Variants in DBNDD1 observed in about 807,000 individuals in gnomAD.
The protein encoded by DBNDD1 is dysbindin domain-containing protein 1.
Under a neutral mutation model 17.0 loss-of-function variants are expected in DBNDD1, and 14 were observed. The ratio of observed to expected loss-of-function variants is 0.82; its 90% CI spans 0.54 to 1.29. The LOEUF is 1.29. DBNDD1 is among the 50% of genes most tolerant of loss of function. DBNDD1 has a pLI of 0.00. For missense variants in DBNDD1, 221 were observed against 216.2 expected (o/e 1.02, Z -0.14); for synonymous variants, 105 against 102.0 (o/e 1.03, Z -0.18).
chr16:90,012,806 A>C (rs1329499489), intron 1 of DBNDD1, among the ~76,000 whole-genome samples: 2 of 152,100 alleles, frequency 1.3e-5, no homozygotes, highest in Non-Finnish European at 2.9e-5. Flanking sequence ...GCTGGAGTGC[A>C]GTGGTAAAAC....
At chr16:90,013,326 G>C (rs908367347) in intron 1 of DBNDD1, among the ~76,000 whole-genome samples, 22 of 143,164 alleles carry the variant, frequency 1.5e-4, no homozygotes, top group African/African-American at 5.7e-4. Context: ...AGCATTCTGT[G>C]TTTATTGACT....
intron 1 of DBNDD1, among the ~76,000 whole-genome samples, chr16:90,017,065 G>T (rs1338702810): frequency 6.6e-6 from 1 of 152,218 alleles, no homozygotes. Flanking sequence ...TTACAGCCCT[G>T]GCTTCCAGGT....
chr16:90,014,851 C>T (rs764566379), intron 1 of DBNDD1, among the ~76,000 whole-genome samples: 1 of 151,994 alleles, frequency 6.6e-6, no homozygotes. Flanking sequence ...ACTAAAAATA[C>T]AAAAATTAGC....
chr16:90,015,809 C>T (rs2035631693), intron 1 of DBNDD1, among the ~76,000 whole-genome samples: 1 of 150,910 alleles, frequency 6.6e-6, no homozygotes, highest in Admixed American at 6.6e-5. Flanking sequence ...TAGGCAAGCG[C>T]GTAGACATTC....
At position 90,014,334 on chromosome 16, in the gene DBNDD1, C is replaced by T. The variant is rs577917572; in HGVS notation, c.32-4904G>A. Reference sequence around the variant, plus strand: ...TAGAGATGGGGTTTCTCCCTGTTGGCCAGGCTGGTCTTGAACTCCTGACCT... The same window carrying T: ...TAGAGATGGGGTTTCTCCCTGTTGGTCAGGCTGGTCTTGAACTCCTGACCT... On this transcript the variant is annotated intron_variant, in intron 1 of 3. Coordinates refer to ENST00000002501, the MANE Select transcript of DBNDD1 (RefSeq NM_001042610.3). 9.9e-5 allele frequency among the ~76,000 whole-genome samples: 15 copies of T among 152,110 alleles called. No homozygotes were observed. In the South Asian group the frequency reaches 1.0e-3, roughly 11 times the overall value.
intron 1 of DBNDD1, among the ~76,000 whole-genome samples, chr16:90,013,981 G>A (rs1045022497): frequency 6.6e-6 from 1 of 152,068 alleles, no homozygotes; most frequent in Non-Finnish European, 1.5e-5. Context: ...AGGACAGCTG[G>A]GGGCTGTGAG....
At chr16:90,009,835 G>T in intron 1 of DBNDD1, 2 of 948,706 alleles carry the variant, frequency 2.1e-6, no homozygotes, top group South Asian at 1.7e-5. Flanking sequence ...TCCATGTCCA[G>T]CCTCTTGGTC....
chr16:90,016,983 G>A (rs1054597395), intron 1 of DBNDD1, among the ~76,000 whole-genome samples: 2 of 152,176 alleles, frequency 1.3e-5, no homozygotes, highest in African/African-American at 4.8e-5. Flanking sequence ...TGGAGTGGCC[G>A]TGTCTAGACT....
chr16:90,011,775 T>C, intron 1 of DBNDD1: 1 of 417,300 alleles, frequency 2.4e-6, no homozygotes, highest in Non-Finnish European at 4.9e-6. Context: ...CAGGGATACC[T>C]CTCCGCCCAG....
chr16:90,011,869 G>A (rs557630855), intron 1 of DBNDD1, among the ~76,000 whole-genome samples: 35 of 152,302 alleles, frequency 2.3e-4, no homozygotes, highest in African/African-American at 7.9e-4. Context: ...GCAGGAAGAA[G>A]CCTGCTTGAC....
At chr16:90,009,845 C>G in intron 1 of DBNDD1, 1 of 1,023,052 alleles carries the variant, frequency 9.8e-7, no homozygotes, top group South Asian at 1.6e-5. Flanking sequence ...GCCTCTTGGT[C>G]CCCTTCAAAC....
At chr16:90,019,873 C>T (rs1419330363), upstream of DBNDD1, 1 of 683,014 alleles carries the variant, frequency 1.5e-6, no homozygotes, top group Non-Finnish European at 2.7e-6. The surrounding 1 kb of genome is among the most constrained non-coding windows in gnomAD (Gnocchi z 6.1). Context: ...TCACAGAGCG[C>T]CCTGGATGGC....
intron 1 of DBNDD1, among the ~76,000 whole-genome samples, chr16:90,012,918 G>T (rs1419200991): frequency 6.6e-6 from 1 of 151,418 alleles, no homozygotes; most frequent in Non-Finnish European, 1.5e-5. Context: ...AAATTTTTTT[G>T]GTAGAGACAG....
intron 1 of DBNDD1, among the ~76,000 whole-genome samples, chr16:90,015,791 G>A (rs2035631291): frequency 6.6e-6 from 1 of 152,008 alleles, no homozygotes; most frequent in Non-Finnish European, 1.5e-5. Flanking sequence ...CCTAGGAAAT[G>A]TCCAGAATAG....
At chr16:90,010,169 C>A (rs1304557957) in intron 1 of DBNDD1, 10 of 859,310 alleles carry the variant, frequency 1.2e-5, no homozygotes, top group Admixed American at 2.3e-5. Flanking sequence ...CCTCATCCCC[C>A]TGAGTAGATG....
intron 3 of DBNDD1, 77 bp from the exon 4 acceptor site, chr16:90,006,569 G>C (rs1165258616): frequency 1.7e-5 from 25 of 1,508,888 alleles, no homozygotes; most frequent in Non-Finnish European, 2.2e-5. Context: ...GGTGCCGCCG[G>C]CCTCCTGCGC....
At position 90,019,353 on chromosome 16, in the gene DBNDD1, G is replaced by C. The variant is rs1453919568; in HGVS notation, c.-12C>G. 8.2e-7 allele frequency: 1 copy of C among 1,216,038 alleles called. No individual in the cohort carries two copies. The highest frequency in any genetic ancestry group is 1.0e-6 in the Non-Finnish European group (1 of 977,622). 75.3% of individuals were successfully genotyped at this position (1,216,038 alleles called of 1,614,324 possible). On this transcript the variant is annotated 5_prime_UTR_variant, in exon 1 of 4. Coordinates refer to ENST00000002501, the MANE Select transcript of DBNDD1 (RefSeq NM_001042610.3). This position sits in a 1 kb window ranked among gnomAD's most constrained non-coding sequence, Gnocchi z 6.1. ...TCCGGGGGCTCCATGCGGCCGGTGC[G>C]GTCTGGGAGGGGCACGGGCGACGGC...
rs1295034177 is a variant in DBNDD1 at position 90,013,877 on chromosome 16, A to T, written c.32-4447T>A. ...GGCATCTGGGGAGGGTGCTCTACCAAACTTGGAGGAGGAGCCTGGAGGTGG... is the reference window on the plus strand; with the variant it reads ...GGCATCTGGGGAGGGTGCTCTACCATACTTGGAGGAGGAGCCTGGAGGTGG... On this transcript the variant is annotated intron_variant, in intron 1 of 3. Coordinates refer to ENST00000002501, the MANE Select transcript of DBNDD1 (RefSeq NM_001042610.3). 2.7e-5 allele frequency among the ~76,000 whole-genome samples: 4 copies of T among 146,006 alleles called. No individual in the cohort carries two copies. In the East Asian group the frequency reaches 6.5e-4, roughly 24 times the overall value.
Position 90,019,409 on chromosome 16 carries a change from T to G in DBNDD1, c.-68A>C. ...CGCCTGGCCCGGGCGCCCCAACAGC[T>G]GCGGCAGCGACTCGGCCCCGGCTCC... On this transcript the variant is annotated 5_prime_UTR_variant, in exon 1 of 4. Transcript: ENST00000002501. This position sits in a 1 kb window ranked among gnomAD's most constrained non-coding sequence, Gnocchi z 6.1. 1 of 1,043,462 alleles carries G rather than the reference T, an allele frequency of 9.6e-7. No individual in the cohort carries two copies. The allele number at this position is 1,043,462 out of a possible 1,614,324, so 64.6% of individuals were successfully genotyped here.
Sources: gnomAD v4.1 joint callset for allele counts (sites outside exome capture counted in the v4.1 genomes callset) on GRCh38, gnomAD v4.1.1 for gene constraint, Gnocchi (gnomAD v3.1) non-coding constraint, MANE v1.5 for transcripts, NCBI Gene and HGNC (gene_info 2026-07-23, HGNC 2026-07-21) for gene names.